Variants in PDE2A observed in about 807,000 individuals in gnomAD.
PDE2A encodes the protein cGMP-dependent 3',5'-cyclic phosphodiesterase.
PDE2A carries 53 observed loss-of-function variants against 133.6 expected under a neutral mutation model. The ratio of observed to expected loss-of-function variants is 0.40; its 90% CI spans 0.32 to 0.50. The LOEUF is 0.50. PDE2A is among the 20% of genes least tolerant of loss of function. The pLI is 0.73. For missense variants in PDE2A, 796 were observed against 1,232.4 expected, an observed-to-expected ratio of 0.65 and a Z score of 5.30; for synonymous variants, 491 against 490.2, an observed-to-expected ratio of 1.00 and a Z score of -0.02.
Position 72,578,268 on chromosome 11 carries a change from G to A in PDE2A, c.2580C>T (p.Ile860=). 3 of 1,613,250 alleles carry A rather than the reference G, an allele frequency of 1.9e-6. No homozygotes were observed. Among genetic ancestry groups the A allele is most frequent in the Non-Finnish European group, 2.5e-6 (3 of 1,179,282 alleles). ...GCATTGCAATGTGCTCCATGAAGCT[G>A]ATTTGCAGCTCAGGGATATAGGCCT... ...REKAYIPELQ[I]SFMEHIAMPI... is the part of the protein sequence containing the mutation. Residue 860 remains isoleucine (I), a synonymous_variant, in exon 30 of 31, where the codon ATC becomes ATT. Transcript: ENST00000334456. This position sits in a 1 kb window ranked among gnomAD's most constrained non-coding sequence, Gnocchi z 4.2.
chr11:72,632,588 T>A (rs191354492), intron 2 of PDE2A, among the ~76,000 whole-genome samples: 18 of 152,296 alleles, frequency 1.2e-4, no homozygotes, highest in African/African-American at 3.6e-4. Context: ...CACCCAGTCA[T>A]GTCCGGCAGA....
chr11:72,648,808 C>T (rs1241504528), intron 1 of PDE2A, among the ~76,000 whole-genome samples: 1 of 152,156 alleles, frequency 6.6e-6, no homozygotes, highest in East Asian at 1.9e-4. Context: ...ACATACACCC[C>T]TATGCACAAT....
At chr11:72,668,155 T>C (rs1437848637) in intron 1 of PDE2A, 26 of 696,456 alleles carry the variant, frequency 3.7e-5, no homozygotes, top group Non-Finnish European at 6.1e-5. Flanking sequence ...TGCTCAGCTG[T>C]TCCTCTGCCG....
intron 1 of PDE2A, among the ~76,000 whole-genome samples, chr11:72,651,817 G>A (rs1006631455): frequency 6.6e-6 from 1 of 152,166 alleles, no homozygotes; most frequent in African/African-American, 2.4e-5. Flanking sequence ...TCTGTCCTCA[G>A]GCCCCCGCCC....
chr11:72,606,652 G>A (rs562226272), intron 3 of PDE2A, among the ~76,000 whole-genome samples: 3 of 152,288 alleles, frequency 2.0e-5, no homozygotes, highest in East Asian at 1.9e-4. Flanking sequence ...GAAGGAGGCC[G>A]CCCACTCTTC....
chr11:72,644,479 A>G (rs531021613), intron 1 of PDE2A, among the ~76,000 whole-genome samples: 2 of 152,224 alleles, frequency 1.3e-5, no homozygotes, highest in African/African-American at 4.8e-5. Context: ...AGCTCAGTGC[A>G]CAAGTCTCTT....
chr11:72,609,896 G>A (rs1857128267), intron 2 of PDE2A, among the ~76,000 whole-genome samples: 1 of 120,646 alleles, frequency 8.3e-6, no homozygotes, highest in African/African-American at 2.7e-5. Flanking sequence ...AGCCCACAGT[G>A]TAAGCATGAC....
At chr11:72,608,800 C>T in intron 2 of PDE2A, 49 bp from the exon 3 acceptor site, 2 of 1,045,708 alleles carry the variant, frequency 1.9e-6, no homozygotes, top group Non-Finnish European at 2.9e-6. Context: ...CAGGCCAGGG[C>T]AGCCCCATCT....
At chr11:72,662,086 G>A (rs534339723) in intron 1 of PDE2A, among the ~76,000 whole-genome samples, 2 of 152,226 alleles carry the variant, frequency 1.3e-5, no homozygotes, top group East Asian at 1.9e-4. Context: ...TCCGGGTTTC[G>A]GTGTGTTGTA....
intron 1 of PDE2A, among the ~76,000 whole-genome samples, chr11:72,648,677 G>T (rs890224276): frequency 1.3e-5 from 2 of 152,118 alleles, no homozygotes; most frequent in African/African-American, 4.8e-5. Context: ...AGCTCACAGG[G>T]GATAAAGTCC....
chr11:72,583,699 C>A lies in PDE2A; in HGVS notation c.1651-184G>T, dbSNP rs564811217. 11 of 594,532 alleles carry A rather than the reference C, an allele frequency of 1.9e-5. No individual in the cohort carries two copies. In the East Asian group the frequency reaches 3.1e-4, roughly 17 times the overall value. The allele number at this position is 594,532 out of a possible 1,614,324, so 36.8% of individuals were successfully genotyped here. ...CCCCACTTTCATCCAGACCCCGCGC[C>A]GGTTCCTCCTCATCAAGTTCTCCCA... On this transcript the variant is annotated intron_variant, in intron 19 of 30. Coordinates refer to ENST00000334456, the MANE Select transcript of PDE2A (RefSeq NM_002599.5).
At position 72,597,431 on chromosome 11, in the gene PDE2A, G is replaced by A; in HGVS notation, c.433+79C>T. 1.3e-6 allele frequency: 1 copy of A among 771,186 alleles called. No individual in the cohort carries two copies. The highest frequency in any genetic ancestry group is 2.5e-5 in the East Asian group (1 of 40,448). The allele number at this position is 771,186 out of a possible 1,614,324, so 47.8% of individuals were successfully genotyped here. ...GAGACAGAGATGAAGAGGAATAGAA[G>A]ACACACATGACCTGGAGTGCAGGGG... On this transcript the variant is annotated intron_variant, in intron 5 of 30. Coordinates refer to ENST00000334456, the MANE Select transcript of PDE2A (RefSeq NM_002599.5). The surrounding 1 kb of genome is among the most constrained non-coding windows in gnomAD (Gnocchi z 4.6).
intron 13 of PDE2A, 22 bp downstream of exon 13, chr11:72,588,762 G>A: frequency 6.3e-7 from 1 of 1,577,710 alleles, no homozygotes; most frequent in East Asian, 2.3e-5. Context: ...CTCCTGATCT[G>A]CATCATCCCA....
At chr11:72,637,782 A>G (rs1858766621) in intron 2 of PDE2A, among the ~76,000 whole-genome samples, 1 of 152,216 alleles carries the variant, frequency 6.6e-6, no homozygotes, top group Admixed American at 6.5e-5. Flanking sequence ...TCTGGCTGGC[A>G]TGGGACAAGG....
chr11:72,602,659 TGGGACTTG>T (rs1413805526), intron 4 of PDE2A, among the ~76,000 whole-genome samples: 1 of 152,190 alleles, frequency 6.6e-6, no homozygotes, highest in Non-Finnish European at 1.5e-5. Flanking sequence ...AATCATTGGT[TGGGACTTG>T]GGAGTGCAAG....
intron 2 of PDE2A, among the ~76,000 whole-genome samples, chr11:72,624,693 G>A (rs558075466): frequency 6.6e-6 from 1 of 152,322 alleles, no homozygotes; most frequent in Non-Finnish European, 1.5e-5. Flanking sequence ...ACACGTGGTA[G>A]CATGCAATGT....
chr11:72,654,810 T>A (rs12800996), intron 1 of PDE2A, among the ~76,000 whole-genome samples: 111,197 of 152,044 alleles, frequency 0.73, 42,056 homozygotes, highest in Middle Eastern at 0.88. Flanking sequence ...AACTCATCGT[T>A]TTGTCTGTCG....
chr11:72,594,702 G>A (rs537046232), intron 6 of PDE2A, among the ~76,000 whole-genome samples: 29 of 151,918 alleles, frequency 1.9e-4, no homozygotes, highest in African/African-American at 6.5e-4. Flanking sequence ...CCCTTCCCCC[G>A]GCCTCCTTCC....
At chr11:72,617,153 G>A (rs535747954) in intron 2 of PDE2A, among the ~76,000 whole-genome samples, 1 of 152,370 alleles carries the variant, frequency 6.6e-6, no homozygotes, top group South Asian at 2.1e-4. Flanking sequence ...CAGATGTCGG[G>A]TAAGGCTGAG....
Sources: gnomAD v4.1 joint callset for allele counts (sites outside exome capture counted in the v4.1 genomes callset) on GRCh38, gnomAD v4.1.1 for gene constraint, Gnocchi (gnomAD v3.1) non-coding constraint, MANE v1.5 for transcripts, NCBI Gene and HGNC (gene_info 2026-07-23, HGNC 2026-07-21) for gene names.